MCM5: variants seen among roughly 807,000 people sequenced by gnomAD.
The protein encoded by MCM5 is minichromosome maintenance complex component 5, also known as DNA replication licensing factor MCM5.
Under a neutral mutation model 79.9 loss-of-function variants are expected in MCM5, and 46 were observed. The observed-to-expected ratio is 0.58, with a 90% CI of 0.45 to 0.74. MCM5 has a LOEUF of 0.74. Among genes scored for constraint, MCM5 ranks in the 30% least tolerant of loss-of-function variants. The pLI is 0.00. For synonymous variants in MCM5, 404 were observed against 390.5 expected, an observed-to-expected ratio of 1.03 and a Z score of -0.41; for missense variants, 883 against 1,017.0, an observed-to-expected ratio of 0.87 and a Z score of 1.79.
chr22:35,428,970 C>CTTT (rs35549972), downstream of MCM5, among the ~76,000 whole-genome samples: 849 of 65,532 alleles, frequency 0.013, 20 homozygotes, highest in African/African-American at 0.021. Flanking sequence ...TTTCTTTGAC[C>CTTT]TTTTTTTTTT....
the MCM5 span, among the ~76,000 whole-genome samples, chr22:35,442,469 G>A: frequency 3.3e-5 from 5 of 152,164 alleles, no homozygotes; most frequent in South Asian, 1.0e-3. Flanking sequence ...CAGCCTCACC[G>A]GGCTACAGTC....
chr22:35,438,456 TATTCATCCATCCATCCACATATCCATCC>T, the MCM5 span, among the ~76,000 whole-genome samples: 2 of 88,030 alleles, frequency 2.3e-5, no homozygotes, highest in Admixed American at 1.1e-4. Context: ...TCCATCCACA[TATTCATCCATCCATCCACATATCCATCC>T]ATCCATCCAT....
Position 35,410,819 on chromosome 22 carries a change from G to C in MCM5, c.828G>C (p.Leu276=). ...MGIYSIKKFG[L]TTSRGRDRVG... ...TCTACTCCATCAAGAAGTTTGGCCT[G>C]ACTACCAGCAGGGGCCGTGACAGGG... Residue 276 remains leucine, a synonymous_variant, in exon 7 of 17, where the codon CTG becomes CTC. Coordinates refer to ENST00000216122, the MANE Select transcript of MCM5 (RefSeq NM_006739.4). 1 of 1,614,138 alleles carries C rather than the reference G, an allele frequency of 6.2e-7. No homozygotes were observed. Among genetic ancestry groups the C allele is most frequent in the South Asian group, 1.1e-5 (1 of 91,074 alleles).
At chr22:35,436,529 C>T in the MCM5 span, among the ~76,000 whole-genome samples, 28 of 152,334 alleles carry the variant, frequency 1.8e-4, no homozygotes, top group African/African-American at 6.3e-4. Flanking sequence ...TGTTTCTACT[C>T]CTTTGCCAGC....
chr22:35,406,178 T>G (rs1435534895), intron 4 of MCM5, among the ~76,000 whole-genome samples: 1 of 152,068 alleles, frequency 6.6e-6, no homozygotes, highest in Non-Finnish European at 1.5e-5. Flanking sequence ...CCTCCCAGGT[T>G]TGTTCTGTGT....
chr22:35,406,856 CT>C, intron 5 of MCM5, 131 bp downstream of exon 5: 1 of 936,888 alleles, frequency 1.1e-6, no homozygotes, highest in Non-Finnish European at 1.6e-6. Context: ...GGGGTGTGCC[CT>C]TAGGATTGGC....
At position 35,419,900 on chromosome 22, in the gene MCM5, C is replaced by T. The variant is rs1932649953; in HGVS notation, c.1720C>T (p.Leu574=). The change falls in exon 14 of 17, where the codon CTG becomes TTG. Residue 574 remains leucine (L), a synonymous_variant. Transcript: ENST00000216122. The stretch of plus-strand genomic sequence containing the variant: ...GTCCTGCAGGAAGTGTGGCCCCCGG[C>T]TGTCAGCAGAGGCTGCAGAGAAACT... The part of the protein sequence containing the change: ...AYCRVKCGPR[L]SAEAAEKLKN... The T allele has an allele frequency of 6.2e-7, 1 of 1,612,324 alleles. No homozygotes were observed. The highest frequency in any genetic ancestry group is 1.1e-5 in the South Asian group (1 of 90,730).
chr22:35,451,728 C>T, the MCM5 span, among the ~76,000 whole-genome samples: 20 of 152,352 alleles, frequency 1.3e-4, no homozygotes, highest in African/African-American at 3.8e-4. Flanking sequence ...ATGATGTCAG[C>T]GGCTCTGGCG....
At chr22:35,450,321 A>G in the MCM5 span, among the ~76,000 whole-genome samples, 1 of 63,032 alleles carries the variant, frequency 1.6e-5, no homozygotes, top group Non-Finnish European at 3.2e-5. Context: ...AACAGGGGGA[A>G]GGAAAACTGC....
downstream of MCM5, among the ~76,000 whole-genome samples, chr22:35,428,480 C>T (rs559847070): frequency 6.6e-6 from 1 of 151,994 alleles, no homozygotes; most frequent in South Asian, 2.1e-4. Flanking sequence ...GAGTTAACAG[C>T]CCCAAAGCAC....
At chr22:35,409,087 C>T (rs982405390) in intron 6 of MCM5, among the ~76,000 whole-genome samples, 8 of 152,196 alleles carry the variant, frequency 5.3e-5, no homozygotes, top group African/African-American at 1.4e-4. Flanking sequence ...CTCAGCCTCC[C>T]GAGTAGCTGG....
intron 7 of MCM5, among the ~76,000 whole-genome samples, chr22:35,412,113 A>G (rs1932399432): frequency 1.3e-5 from 2 of 152,078 alleles, no homozygotes; most frequent in Admixed American, 1.3e-4. Context: ...TCCCTGGATC[A>G]CCGTTGATCC....
At chr22:35,421,094 T>C (rs133429) in intron 14 of MCM5, among the ~76,000 whole-genome samples, 88,196 of 148,100 alleles carry the variant, frequency 0.6, 28,970 homozygotes, top group African/African-American at 0.89. Flanking sequence ...TGCCACTACA[T>C]TCCAGCCTGG....
the MCM5 span, among the ~76,000 whole-genome samples, chr22:35,438,546 TCCA>T: frequency 8.3e-5 from 11 of 132,272 alleles, no homozygotes; most frequent in South Asian, 2.6e-4. Context: ...CATCCATCCA[TCCA>T]CTCACATATT....
At chr22:35,417,672 GTTCCAC>G in intron 12 of MCM5, 66 bp from the exon 13 acceptor site, 1 of 1,080,844 alleles carries the variant, frequency 9.3e-7, no homozygotes, top group Non-Finnish European at 1.4e-6. Context: ...CTTTCTGGCT[GTTCCAC>G]CTCAGTGCTG....
chr22:35,406,601 G>T lies in MCM5; in HGVS notation c.472G>T (p.Ala158Ser). The change falls in exon 5 of 17, where the codon GCC (alanine) becomes TCC (serine). Residue 158 changes from alanine to serine, a missense_variant. Coordinates refer to ENST00000216122, the MANE Select transcript of MCM5 (RefSeq NM_006739.4). ...GAAGATCCCTGGCATCATCATCGCG[G>T]CCTCTGCGGTCCGTGCCAAGGCCAC... Reference protein sequence around the residue: ...LVKIPGIIIAASAVRAKATRI... With the variant: ...LVKIPGIIIASSAVRAKATRI... 1 of 1,613,686 alleles carries T rather than the reference G, an allele frequency of 6.2e-7. No individual in the cohort carries two copies.
At chr22:35,401,210 C>T (rs1436523080) in intron 2 of MCM5, among the ~76,000 whole-genome samples, 4 of 152,206 alleles carry the variant, frequency 2.6e-5, no homozygotes, top group East Asian at 3.9e-4. Flanking sequence ...GCCACTTGGA[C>T]CGTTTAGTTC....
the MCM5 span, among the ~76,000 whole-genome samples, chr22:35,445,933 G>A: frequency 9.6e-3 from 1,465 of 152,266 alleles, 24 homozygotes; most frequent in African/African-American, 0.033. Flanking sequence ...CTTCTCAGTC[G>A]GGTCATACTG....
In MCM5 at chr22:35,410,836, G is replaced by A. The variant is rs764208540; in HGVS notation, c.845G>A (p.Arg282His). ...TTTGGCCTGACTACCAGCAGGGGCC[G>A]TGACAGGGTGGGCGTGGGCATCCGA... ...KKFGLTTSRG[R>H]DRVGVGIRSS... is the part of the protein sequence containing the mutation. Residue 282 changes from arginine (R) to histidine (H), a missense_variant, in exon 7 of 17, where the codon CGT becomes CAT. Arg to His is a conservative substitution (Grantham distance 29). Transcript: ENST00000216122. 59 of 1,613,722 alleles carry A rather than the reference G, an allele frequency of 3.7e-5. No homozygotes were observed. In the Middle Eastern group the frequency reaches 1.5e-3, roughly 40 times the overall value.
Sources: gnomAD v4.1 joint callset for allele counts (sites outside exome capture counted in the v4.1 genomes callset) on GRCh38, gnomAD v4.1.1 for gene constraint, MANE v1.5 for transcripts, NCBI Gene and HGNC (gene_info 2026-07-23, HGNC 2026-07-21) for gene names.